The following OXR1 variants were observed in gnomAD, a reference collection of about 807,000 sequenced individuals.
OXR1 encodes oxidation resistance protein 1.
A neutral mutation model predicts 104.6 loss-of-function variants in OXR1; 41 were observed. That is an observed-to-expected ratio of 0.39 (90% CI 0.31 to 0.51). The LOEUF (loss-of-function observed/expected upper bound fraction) is 0.51. Ranked by LOEUF, OXR1 falls within the 20% of genes least tolerant of loss-of-function variation. OXR1 has a pLI of 0.77. For synonymous variants in OXR1, 348 were observed against 348.4 expected (o/e 1.00, Z 0.01); for missense variants, 955 against 1,031.9 (o/e 0.93, Z 1.02).
chr8:106,687,134 T>C (rs1587090303), intron 6 of OXR1, among the ~76,000 whole-genome samples: 1 of 152,248 alleles, frequency 6.6e-6, no homozygotes, highest in East Asian at 1.9e-4. Flanking sequence ...CTGTTGGTGG[T>C]TTTCTTTCTG....
At chr8:106,313,130 C>T (rs535862002) in intron 1 of OXR1, among the ~76,000 whole-genome samples, 1 of 151,968 alleles carries the variant, frequency 6.6e-6, no homozygotes, top group East Asian at 1.9e-4. Flanking sequence ...TCCTAATACT[C>T]TAAGTAGTCA....
At chr8:106,303,248 C>CTTTTTTTTTT (rs1164596413) in intron 1 of OXR1, among the ~76,000 whole-genome samples, 3 of 92,336 alleles carry the variant, frequency 3.2e-5, no homozygotes, top group Non-Finnish European at 2.0e-5. Flanking sequence ...TTTTTTCTTT[C>CTTTTTTTTTT]TTTTTTTTTT....
Position 106,566,993 on chromosome 8 carries a change from A to G in OXR1, c.220+47854A>G, listed in dbSNP as rs575775994. On this transcript the variant is annotated intron_variant, in intron 3 of 16. Coordinates refer to ENST00000517566, the MANE Select transcript of OXR1 (RefSeq NM_001198533.2). Reference sequence around the variant, plus strand: ...GTTGGAGGGCAAGGGGAGGGACAGCATTAGGAGAAGTACCTAATGTAGATG... The same window carrying G: ...GTTGGAGGGCAAGGGGAGGGACAGCGTTAGGAGAAGTACCTAATGTAGATG... Among the ~76,000 whole-genome samples the G allele has an allele frequency of 5.3e-5, 8 of 152,282 alleles. No individual in the cohort carries two copies. The South Asian group carries it at 1.5e-3, about 28-fold the overall frequency.
At chr8:106,713,773 T>C (rs1831948896) in intron 10 of OXR1, 50 bp from the exon 11 acceptor site, 1 of 1,093,396 alleles carries the variant, frequency 9.1e-7, no homozygotes, top group Non-Finnish European at 1.3e-6. Context: ...AATTTTTTAA[T>C]TCTGGCAGCA....
At chr8:106,315,398 A>G (rs1813888055) in intron 1 of OXR1, among the ~76,000 whole-genome samples, 2 of 152,174 alleles carry the variant, frequency 1.3e-5, no homozygotes, top group Non-Finnish European at 2.9e-5. Context: ...CATTTAATAT[A>G]TATGTTAAAT....
intron 2 of OXR1, among the ~76,000 whole-genome samples, chr8:106,389,736 A>G (rs984739223): frequency 8.5e-5 from 13 of 152,182 alleles, no homozygotes; most frequent in African/African-American, 2.9e-4. Context: ...TTGGGGGTAT[A>G]TATGGATTAG....
chr8:106,641,188 T>C (rs1265016928), intron 3 of OXR1, among the ~76,000 whole-genome samples: 1 of 152,206 alleles, frequency 6.6e-6, no homozygotes, highest in African/African-American at 2.4e-5. Flanking sequence ...TACAATCACA[T>C]CTTTCATTCC....
chr8:106,414,891 A>G (rs1042455126), intron 2 of OXR1, among the ~76,000 whole-genome samples: 1 of 152,136 alleles, frequency 6.6e-6, no homozygotes, highest in Non-Finnish European at 1.5e-5. Context: ...GAGGAGCAAT[A>G]TGATTATAGC....
intron 2 of OXR1, among the ~76,000 whole-genome samples, chr8:106,466,428 A>AGGGAT (rs1203525475): frequency 2.6e-5 from 4 of 151,876 alleles, no homozygotes; most frequent in African/African-American, 9.7e-5. Flanking sequence ...AGTTTACATT[A>AGGGAT]AACTAGTGTA....
At chr8:106,679,977 T>C (rs1827988677) in intron 4 of OXR1, among the ~76,000 whole-genome samples, 1 of 152,100 alleles carries the variant, frequency 6.6e-6, no homozygotes, top group Non-Finnish European at 1.5e-5. Context: ...TCTGTGTTTT[T>C]CTAACATAAC....
chr8:106,686,738 A>G (rs776965), intron 6 of OXR1, among the ~76,000 whole-genome samples: 92,166 of 152,052 alleles, frequency 0.61, 28,804 homozygotes, highest in African/African-American at 0.76. Context: ...TTTACTATGA[A>G]GCTAAAAATA....
intron 2 of OXR1, among the ~76,000 whole-genome samples, chr8:106,488,030 G>C (rs1390137076): frequency 4.8e-5 from 7 of 147,054 alleles, no homozygotes; most frequent in African/African-American, 1.8e-4. Flanking sequence ...CTAGTTTACA[G>C]TCCCACCAAC....
chr8:106,752,590 C>G lies in OXR1; in HGVS notation c.*1649C>G, dbSNP rs1253030719. On this transcript the variant is annotated 3_prime_UTR_variant, in exon 17 of 17. Transcript: ENST00000517566. ...CGGTCTTCCACAGCAGTATTATTGT[C>G]TTTGTGGAGTTGACTAATGATAATT... The G allele has an allele frequency of 6.6e-6, 1 of 152,320 alleles. No individual in the cohort carries two copies. The allele number at this position is 152,320 out of a possible 1,614,324, so 9.4% of individuals were successfully genotyped here.
At chr8:106,585,916 T>C (rs1437580955) in intron 3 of OXR1, among the ~76,000 whole-genome samples, 2 of 152,136 alleles carry the variant, frequency 1.3e-5, no homozygotes, top group African/African-American at 4.8e-5. Flanking sequence ...CAGGAGAATA[T>C]ATGGGAGATG....
chr8:106,474,063 A>G (rs1821671754), intron 2 of OXR1, among the ~76,000 whole-genome samples: 1 of 145,880 alleles, frequency 6.9e-6, no homozygotes, highest in South Asian at 2.1e-4. Flanking sequence ...ACAGTATTTC[A>G]TGTAAATTTC....
intron 1 of OXR1, among the ~76,000 whole-genome samples, chr8:106,295,577 G>A (rs1503555): frequency 0.22 from 33,256 of 151,712 alleles, 5,371 homozygotes; most frequent in African/African-American, 0.46. Flanking sequence ...ATTTGCTTTA[G>A]TATCAGCTGG....
At chr8:106,404,963 C>G (rs1015864204) in intron 2 of OXR1, among the ~76,000 whole-genome samples, 12 of 151,878 alleles carry the variant, frequency 7.9e-5, no homozygotes, top group African/African-American at 2.9e-4. Context: ...CGTCAGCCTC[C>G]CAAAGTGCTG....
chr8:106,669,126 G>A (rs1826657092), intron 3 of OXR1, among the ~76,000 whole-genome samples: 1 of 152,108 alleles, frequency 6.6e-6, no homozygotes, highest in South Asian at 2.1e-4. Flanking sequence ...ACCAAGAGGA[G>A]TGTGAAATAC....
intron 3 of OXR1, among the ~76,000 whole-genome samples, chr8:106,577,167 T>C (rs1817897633): frequency 6.6e-6 from 1 of 151,882 alleles, no homozygotes. Flanking sequence ...TTTTACATTA[T>C]TGTCTCACAG....
Sources: gnomAD v4.1 joint callset for allele counts (sites outside exome capture counted in the v4.1 genomes callset) on GRCh38, gnomAD v4.1.1 for gene constraint, MANE v1.5 for transcripts, NCBI Gene and HGNC (gene_info 2026-07-23, HGNC 2026-07-21) for gene names.